The following NAV2 variants were observed in gnomAD, a reference collection of about 807,000 sequenced individuals.
NAV2 encodes neuron navigator 2.
In NAV2, 54 loss-of-function variants were observed where a neutral mutation model predicts 223.2. That is an observed-to-expected ratio of 0.24 (90% CI 0.19 to 0.30). The LOEUF (loss-of-function observed/expected upper bound fraction) is 0.30. Ranked by LOEUF, NAV2 falls within the 10% of genes least tolerant of loss-of-function variation. The pLI is 1.00. For missense variants in NAV2, 2,806 were observed against 3,147.5 expected, an observed-to-expected ratio of 0.89 and a Z score of 2.60; for synonymous variants, 1,279 against 1,239.3, an observed-to-expected ratio of 1.03 and a Z score of -0.67.
chr11:19,618,404 G>GTATGTATGAATGAATA (rs1253231516), intron 1 of NAV2, among the ~76,000 whole-genome samples: 1,240 of 37,074 alleles, frequency 0.033, 41 homozygotes, highest in African/African-American at 0.055. Context: ...ATGAATAGAT[G>GTATGTATGAATGAATA]GATGGATGGA....
chr11:19,865,029 A>G (rs945383724), intron 3 of NAV2, among the ~76,000 whole-genome samples: 2 of 152,172 alleles, frequency 1.3e-5, no homozygotes, highest in Admixed American at 1.3e-4. Context: ...GCCCCCTTCA[A>G]AAACACTGGA....
chr11:19,557,711 A>G (rs568860607), intron 1 of NAV2, among the ~76,000 whole-genome samples: 4 of 152,354 alleles, frequency 2.6e-5, no homozygotes, highest in African/African-American at 9.6e-5. Context: ...AATGGGATCC[A>G]CACCGAACAC....
chr11:20,021,176 C>T (rs948297614), intron 11 of NAV2, among the ~76,000 whole-genome samples: 1 of 152,142 alleles, frequency 6.6e-6, no homozygotes, highest in African/African-American at 2.4e-5. Flanking sequence ...GTAAAATTTA[C>T]ATTTTGTCTC....
intron 1 of NAV2, among the ~76,000 whole-genome samples, chr11:19,675,303 C>T (rs1847579241): frequency 1.3e-5 from 2 of 152,250 alleles, no homozygotes; most frequent in African/African-American, 4.8e-5. Flanking sequence ...TCCCAGTCTG[C>T]CCTCCCTCAC....
At chr11:20,099,370 T>C (rs536497189) in intron 31 of NAV2, among the ~76,000 whole-genome samples, 13 of 152,348 alleles carry the variant, frequency 8.5e-5, no homozygotes, top group Non-Finnish European at 1.6e-4. Flanking sequence ...GTTGTTCACT[T>C]GCTGGTTTTA....
At chr11:19,912,237 G>T (rs926642064) in intron 6 of NAV2, among the ~76,000 whole-genome samples, 1 of 152,162 alleles carries the variant, frequency 6.6e-6, no homozygotes. Flanking sequence ...TTTACATCTG[G>T]ACTCTAGGAC....
chr11:19,703,557 C>T (rs1387556539), intron 1 of NAV2, among the ~76,000 whole-genome samples: 1 of 152,186 alleles, frequency 6.6e-6, no homozygotes, highest in African/African-American at 2.4e-5. Context: ...GGAGCTGAGG[C>T]GGCATTGGGG....
chr11:19,944,946 T>C (rs886636604), intron 8 of NAV2, among the ~76,000 whole-genome samples: 1 of 149,566 alleles, frequency 6.7e-6, no homozygotes, highest in Non-Finnish European at 1.5e-5. Flanking sequence ...CCCTTTCCCC[T>C]TTCCTCTTTC....
At chr11:19,695,242 G>C (rs918001459) in intron 1 of NAV2, among the ~76,000 whole-genome samples, 1 of 152,224 alleles carries the variant, frequency 6.6e-6, no homozygotes, top group African/African-American at 2.4e-5. Flanking sequence ...ACATGACATA[G>C]TGGGAAAGAT....
At chr11:19,856,183 A>C (rs1420017206) in intron 3 of NAV2, among the ~76,000 whole-genome samples, 2 of 152,168 alleles carry the variant, frequency 1.3e-5, no homozygotes, top group Non-Finnish European at 2.9e-5. Flanking sequence ...TCACAGGTGC[A>C]TTTGGTATCT....
intron 1 of NAV2, among the ~76,000 whole-genome samples, chr11:19,365,742 T>G (rs1448835118): frequency 6.6e-6 from 1 of 152,248 alleles, no homozygotes; most frequent in Non-Finnish European, 1.5e-5. Flanking sequence ...ATTTTATGTT[T>G]TCCCTTCTGT....
intron 11 of NAV2, among the ~76,000 whole-genome samples, chr11:19,995,261 T>C (rs1339813293): frequency 1.3e-5 from 2 of 152,224 alleles, no homozygotes; most frequent in African/African-American, 2.4e-5. Context: ...GAATGACTCA[T>C]GGGTATAGCT....
At chr11:19,977,287 G>A (rs912373330) in intron 10 of NAV2, among the ~76,000 whole-genome samples, 1 of 152,188 alleles carries the variant, frequency 6.6e-6, no homozygotes. Context: ...TGTGCAGTCT[G>A]TCTTATTTAT....
intron 1 of NAV2, among the ~76,000 whole-genome samples, chr11:19,478,339 C>A (rs1354968864): frequency 1.3e-5 from 2 of 151,998 alleles, no homozygotes; most frequent in Non-Finnish European, 2.9e-5. Context: ...AGACCCGGAG[C>A]CCGGTGCCTG....
chr11:19,748,917 A>C (rs1263637003), intron 1 of NAV2, among the ~76,000 whole-genome samples: 1 of 152,266 alleles, frequency 6.6e-6, no homozygotes, highest in Non-Finnish European at 1.5e-5. Context: ...GATAGGGAAG[A>C]ACTTGCCCAA....
At chr11:19,585,516 C>T (rs1042595454) in intron 1 of NAV2, among the ~76,000 whole-genome samples, 1 of 152,128 alleles carries the variant, frequency 6.6e-6, no homozygotes, top group African/African-American at 2.4e-5. Context: ...GTGGCTGGTA[C>T]CGGTTGTTCC....
At chr11:19,623,168 T>C (rs982226189) in intron 1 of NAV2, among the ~76,000 whole-genome samples, 6 of 152,184 alleles carry the variant, frequency 3.9e-5, no homozygotes, top group African/African-American at 1.4e-4. Flanking sequence ...TTGTGGGCAA[T>C]CTGACCTTTC....
chr11:19,610,693 G>C (rs1018838375), intron 1 of NAV2, among the ~76,000 whole-genome samples: 5 of 152,126 alleles, frequency 3.3e-5, no homozygotes, highest in African/African-American at 1.2e-4. Context: ...TGGATGGATG[G>C]ATAAGTAGAT....
chr11:19,603,772 G>T (rs1321013745), intron 1 of NAV2, among the ~76,000 whole-genome samples: 2 of 152,028 alleles, frequency 1.3e-5, no homozygotes, highest in African/African-American at 4.8e-5. Context: ...AACATTAACT[G>T]GTAATAAGAA....
Sources: allele counts gnomAD v4.1 joint callset (sites outside exome capture counted in the v4.1 genomes callset), GRCh38; gene constraint gnomAD v4.1.1; transcripts MANE v1.5; gene names NCBI Gene and HGNC (gene_info 2026-07-23, HGNC 2026-07-21).